SHC4: variants seen among roughly 807,000 people sequenced by gnomAD.
The protein encoded by SHC4 is SHC-transforming protein 4.
Under a neutral mutation model 69.4 loss-of-function variants are expected in SHC4, and 41 were observed. The ratio of observed to expected loss-of-function variants is 0.59; its 90% CI spans 0.46 to 0.77. The LOEUF is 0.77. Among genes scored for constraint, SHC4 ranks in the 30% least tolerant of loss-of-function variants. The pLI is 0.00. For synonymous variants in SHC4, 318 were observed against 299.3 expected (o/e 1.06, Z -0.64); for missense variants, 777 against 783.8 (o/e 0.99, Z 0.10).
chr15:48,864,610 G>A (rs142293428), intron 6 of SHC4, among the ~76,000 whole-genome samples: 6,318 of 151,664 alleles, frequency 0.042, 262 homozygotes, highest in East Asian at 0.22. Flanking sequence ...ACCACACCCA[G>A]CTAATTTTTT....
intron 1 of SHC4, among the ~76,000 whole-genome samples, chr15:48,939,313 G>C (rs1384573924): frequency 6.6e-6 from 1 of 152,198 alleles, no homozygotes; most frequent in Non-Finnish European, 1.5e-5. Context: ...GTCAGAGGAA[G>C]GACGCTGGGG....
chr15:48,879,292 A>G (rs1276103227), intron 4 of SHC4: 3 of 167,864 alleles, frequency 1.8e-5, no homozygotes, highest in East Asian at 1.9e-4. Flanking sequence ...GTAAACTCAA[A>G]TATGTATCAC....
chr15:48,900,885 A>G (rs28674892), intron 2 of SHC4, among the ~76,000 whole-genome samples: 1,585 of 152,304 alleles, frequency 0.01, 35 homozygotes, highest in African/African-American at 0.037. Flanking sequence ...GCTAAGGTTG[A>G]GAATCACTCT....
chr15:48,919,230 A>G (rs537021941), intron 2 of SHC4, among the ~76,000 whole-genome samples: 1 of 150,756 alleles, frequency 6.6e-6, no homozygotes, highest in South Asian at 2.1e-4. Flanking sequence ...TTGACGGTTG[A>G]ATGTTTTTGC....
intron 1 of SHC4, among the ~76,000 whole-genome samples, chr15:48,946,806 T>TA (rs942379742): frequency 3.9e-5 from 6 of 152,332 alleles, no homozygotes; most frequent in Admixed American, 1.3e-4. Context: ...TCATAAAAGA[T>TA]AAAAAAATTC....
intron 2 of SHC4, among the ~76,000 whole-genome samples, chr15:48,892,445 C>T (rs1432864647): frequency 1.3e-5 from 2 of 152,016 alleles, no homozygotes; most frequent in African/African-American, 4.8e-5. Flanking sequence ...GGATTCTATC[C>T]TTTGTTCTCT....
At chr15:48,872,655 C>G (rs1402768340) in intron 4 of SHC4, among the ~76,000 whole-genome samples, 3 of 152,108 alleles carry the variant, frequency 2.0e-5, no homozygotes, top group Non-Finnish European at 4.4e-5. Context: ...TCACCCTCTC[C>G]CTTTATATTT....
intron 1 of SHC4, among the ~76,000 whole-genome samples, chr15:48,957,123 G>T (rs564020744): frequency 6.6e-6 from 1 of 151,834 alleles, no homozygotes; most frequent in East Asian, 1.9e-4. Context: ...GAGTACAGGT[G>T]CATGCAAACA....
intron 4 of SHC4, among the ~76,000 whole-genome samples, chr15:48,874,532 C>G (rs1027059881): frequency 6.6e-6 from 1 of 152,186 alleles, no homozygotes; most frequent in African/African-American, 2.4e-5. Flanking sequence ...ATTAGATTCT[C>G]ATAGGAGAAT....
chr15:48,914,157 G>A (rs887812489), intron 2 of SHC4, among the ~76,000 whole-genome samples: 6 of 152,200 alleles, frequency 3.9e-5, no homozygotes, highest in African/African-American at 4.8e-5. Flanking sequence ...CACCGCGCCC[G>A]GCGCGACATT....
chr15:48,886,111 G>A (rs1900031088), intron 3 of SHC4, among the ~76,000 whole-genome samples: 1 of 151,934 alleles, frequency 6.6e-6, no homozygotes, highest in Non-Finnish European at 1.5e-5. Context: ...ACAAAAATTA[G>A]CCAGGCGTGG....
In SHC4 at chr15:48,834,861, G is replaced by C; in HGVS notation, c.1645C>G (p.Arg549Gly). Residue 549 changes from arginine (R) to glycine (G), a missense_variant, in exon 11 of 12, where the codon CGA becomes GGA. Physicochemically the swap from Arg to Gly is moderately radical, Grantham distance 125. Transcript: ENST00000332408. ...LLVKDGDFLV[R>G]ESATSPGQYV... Reference sequence around the variant, plus strand: ...TGGCCAGGGGATGTTGCACTCTCTCGAACCAAAAAGTCCCCATCCTTTACC... The same window carrying C: ...TGGCCAGGGGATGTTGCACTCTCTCCAACCAAAAAGTCCCCATCCTTTACC... 1.2e-6 allele frequency: 2 copies of C among 1,614,074 alleles called. No homozygotes were observed. Among genetic ancestry groups the C allele is most frequent in the Non-Finnish European group, 1.7e-6 (2 of 1,180,010 alleles).
chr15:48,943,262 C>A (rs1215139704), intron 1 of SHC4, among the ~76,000 whole-genome samples: 1 of 152,122 alleles, frequency 6.6e-6, no homozygotes, highest in Non-Finnish European at 1.5e-5. Flanking sequence ...CCATTTTCTC[C>A]CGCTCCCTGG....
At position 48,913,002 on chromosome 15, in the gene SHC4, G is replaced by C. The variant is rs142155196; in HGVS notation, c.656+11877C>G. ...GTTCCAGTGGAGGGGGTGGGGTGCA[G>C]GGGCGGGTGCAGTGGACTCCATGGG... On this transcript the variant is annotated intron_variant, in intron 2 of 11. Coordinates refer to ENST00000332408, the MANE Select transcript of SHC4 (RefSeq NM_203349.4). Among the ~76,000 whole-genome samples the C allele has an allele frequency of 5.5e-3, 832 of 152,012 alleles. 5 individuals are homozygous for C. Among genetic ancestry groups the C allele is most frequent in the Non-Finnish European group, 7.1e-3 (484 of 67,974 alleles).
chr15:48,920,015 GT>G (rs11293084), intron 2 of SHC4, among the ~76,000 whole-genome samples: 6,097 of 139,446 alleles, frequency 0.044, 301 homozygotes, highest in African/African-American at 0.12. Context: ...CACGGAGTTT[GT>G]TTTTTTTTTT....
chr15:48,873,057 A>G (rs182709592), intron 4 of SHC4, among the ~76,000 whole-genome samples: 1 of 152,352 alleles, frequency 6.6e-6, no homozygotes, highest in East Asian at 1.9e-4. Flanking sequence ...TTCTCAAAGA[A>G]GACAATAACT....
At chr15:48,956,564 C>T (rs1474293565) in intron 1 of SHC4, among the ~76,000 whole-genome samples, 1 of 152,194 alleles carries the variant, frequency 6.6e-6, no homozygotes. Flanking sequence ...CACTATCGCT[C>T]ACCTCTTCCA....
intron 6 of SHC4, among the ~76,000 whole-genome samples, chr15:48,861,816 C>T (rs1189970412): frequency 6.6e-6 from 1 of 152,142 alleles, no homozygotes; most frequent in Non-Finnish European, 1.5e-5. Flanking sequence ...ACATATTCAT[C>T]TGTCTTTTTT....
intron 2 of SHC4, among the ~76,000 whole-genome samples, chr15:48,919,295 A>ATTTTTTTTT (rs386382928): frequency 0.2 from 14,032 of 70,520 alleles, 3,696 homozygotes; most frequent in Middle Eastern, 0.34. Context: ...ATTTATTTTA[A>ATTTTTTTTT]TTTTTTTTTT....
Sources: allele counts gnomAD v4.1 joint callset (sites outside exome capture counted in the v4.1 genomes callset), GRCh38; gene constraint gnomAD v4.1.1; transcripts MANE v1.5; gene names NCBI Gene and HGNC (gene_info 2026-07-23, HGNC 2026-07-21).